The following CAMK1D variants were observed in gnomAD, a reference collection of about 807,000 sequenced individuals.
The protein encoded by CAMK1D is calcium/calmodulin-dependent protein kinase type 1D.
Under a neutral mutation model 47.7 loss-of-function variants are expected in CAMK1D, and 9 were observed. That is an observed-to-expected ratio of 0.19 (90% CI 0.11 to 0.33). The LOEUF (loss-of-function observed/expected upper bound fraction) is 0.33. Among genes scored for constraint, CAMK1D ranks in the 10% least tolerant of loss-of-function variants. CAMK1D has a pLI of 1.00. For missense variants in CAMK1D, 291 were observed against 488.7 expected (o/e 0.60, Z 3.81); for synonymous variants, 184 against 184.9 (o/e 0.99, Z 0.04).
chr10:12,475,989 A>G (rs986421595), intron 1 of CAMK1D, among the ~76,000 whole-genome samples: 4 of 151,998 alleles, frequency 2.6e-5, no homozygotes, highest in Admixed American at 2.0e-4. Flanking sequence ...AAATGGTGGT[A>G]CATGAGGAAG....
chr10:12,710,198 ACTT>A (rs952599830), intron 3 of CAMK1D, among the ~76,000 whole-genome samples: 6 of 152,208 alleles, frequency 3.9e-5, no homozygotes, highest in Non-Finnish European at 5.9e-5. Context: ...CAGACACTTA[ACTT>A]CTTCTTTAAT....
chr10:12,384,705 T>C (rs1207197398), intron 1 of CAMK1D, among the ~76,000 whole-genome samples: 1 of 152,132 alleles, frequency 6.6e-6, no homozygotes, highest in Non-Finnish European at 1.5e-5. Flanking sequence ...ATCAGTGACC[T>C]AATATAAGAA....
chr10:12,380,123 G>C (rs1357491888), intron 1 of CAMK1D, among the ~76,000 whole-genome samples: 3 of 152,100 alleles, frequency 2.0e-5, no homozygotes. Context: ...GCTGAGGCAA[G>C]AGAATGGTGT....
rs1207695738 is a variant in CAMK1D at position 12,829,325 on chromosome 10, T to C, written c.*438T>C. On this transcript the variant is annotated 3_prime_UTR_variant, in exon 11 of 11. Coordinates refer to ENST00000619168, the MANE Select transcript of CAMK1D (RefSeq NM_153498.4). ...TTTTCCTTTTAAGAAGTATGTCCTT[T>C]GTATCTCTAAGTTACATGACCTATA... 1 of 153,778 alleles carries C rather than the reference T, an allele frequency of 6.5e-6. No individual in the cohort carries two copies. Among genetic ancestry groups the C allele is most frequent in the Non-Finnish European group, 1.5e-5 (1 of 68,870 alleles). 9.5% of individuals were successfully genotyped at this position (153,778 alleles called of 1,614,324 possible).
Position 12,520,311 on chromosome 10 carries a change from G to A in CAMK1D, c.93-32914G>A, listed in dbSNP as rs949982366. Among the ~76,000 whole-genome samples, 307 of 90,088 alleles carry A rather than the reference G, an allele frequency of 3.4e-3. 27 individuals carry two copies. Among genetic ancestry groups the A allele is most frequent in the African/African-American group, 0.013 (300 of 23,674 alleles). The allele number at this position is 90,088 out of a possible 152,430, so 59.1% of individuals were successfully genotyped here. A position where few individuals can be genotyped will look rare whatever the true frequency, so the allele number is the denominator to read the frequency against. ...CTAGACAGGGCGGCGGGGCAGAGGC[G>A]CTCCCCACTCAGACGATGGGCGGGT... is the stretch of plus-strand genomic sequence containing the variant. On this transcript the variant is annotated intron_variant, in intron 1 of 10. Transcript: ENST00000619168.
chr10:12,390,769 G>T (rs535111593), intron 1 of CAMK1D, among the ~76,000 whole-genome samples: 52 of 152,248 alleles, frequency 3.4e-4, no homozygotes, highest in African/African-American at 1.2e-3. Context: ...AGGGTTGAGG[G>T]ACTTGCCTGA....
At chr10:12,621,358 G>A (rs1160514947) in intron 2 of CAMK1D, among the ~76,000 whole-genome samples, 2 of 152,188 alleles carry the variant, frequency 1.3e-5, no homozygotes, top group African/African-American at 4.8e-5. Context: ...TCAGCTTGGT[G>A]AGAATTGGCA....
intron 2 of CAMK1D, among the ~76,000 whole-genome samples, chr10:12,629,059 G>A (rs900564979): frequency 6.6e-6 from 1 of 152,232 alleles, no homozygotes; most frequent in Admixed American, 6.5e-5. Flanking sequence ...GAATAAAGCT[G>A]CTGTAAATGT....
chr10:12,448,708 C>A (rs1444270315), intron 1 of CAMK1D, among the ~76,000 whole-genome samples: 1 of 152,118 alleles, frequency 6.6e-6, no homozygotes, highest in African/African-American at 2.4e-5. Context: ...TTATTTTTCT[C>A]TTTTACTTTT....
intron 1 of CAMK1D, among the ~76,000 whole-genome samples, chr10:12,431,521 CT>C: frequency 6.6e-6 from 1 of 152,326 alleles, no homozygotes; most frequent in South Asian, 2.1e-4. Context: ...AATCCCCTCA[CT>C]TTCCCGAGGA....
chr10:12,762,728 T>G (rs1463787868), intron 4 of CAMK1D, among the ~76,000 whole-genome samples: 2 of 152,180 alleles, frequency 1.3e-5, no homozygotes, highest in Non-Finnish European at 2.9e-5. Context: ...GCAGGCTTCT[T>G]GACATCTGAA....
At chr10:12,428,905 C>T (rs894204483) in intron 1 of CAMK1D, among the ~76,000 whole-genome samples, 1 of 152,188 alleles carries the variant, frequency 6.6e-6, no homozygotes, top group African/African-American at 2.4e-5. Flanking sequence ...GCTGTCCATA[C>T]CCAGAAGAGG....
At chr10:12,733,084 C>T (rs754326396) in intron 3 of CAMK1D, among the ~76,000 whole-genome samples, 12 of 152,226 alleles carry the variant, frequency 7.9e-5, no homozygotes, top group East Asian at 1.9e-4. Context: ...AATCTTTGTG[C>T]GAGACCCTGT....
intron 2 of CAMK1D, among the ~76,000 whole-genome samples, chr10:12,629,087 G>C (rs957973743): frequency 2.6e-5 from 4 of 152,188 alleles, no homozygotes; most frequent in African/African-American, 9.7e-5. Context: ...TATTTGTTTG[G>C]TGGGGACAGA....
chr10:12,504,129 CTGTGTGTG>C (rs375226417), intron 1 of CAMK1D, among the ~76,000 whole-genome samples: 4 of 146,526 alleles, frequency 2.7e-5, no homozygotes, highest in African/African-American at 7.6e-5. Context: ...GTGTGTGTGT[CTGTGTGTG>C]TGTGTGTGTG....
chr10:12,685,229 A>G (rs1162741657), intron 3 of CAMK1D, among the ~76,000 whole-genome samples: 2 of 152,208 alleles, frequency 1.3e-5, no homozygotes. Context: ...TGAACCGGAG[A>G]GGCGGAGGTT....
In CAMK1D at chr10:12,514,227, T is replaced by C. The variant is rs1835121036; in HGVS notation, c.93-38998T>C. ...CTTCCACTATGAGGCAAGAGGGTGA[T>C]GGAACACGTTATAGATTGCTAGCAC... On this transcript the variant is annotated intron_variant, in intron 1 of 10. Transcript: ENST00000619168. Among the ~76,000 whole-genome samples, 3 of 152,342 alleles carry C rather than the reference T, an allele frequency of 2.0e-5. No individual in the cohort carries two copies. The South Asian group carries it at 6.2e-4, about 32-fold the overall frequency.
intron 3 of CAMK1D, among the ~76,000 whole-genome samples, chr10:12,674,101 A>G (rs1840716402): frequency 6.6e-6 from 1 of 152,004 alleles, no homozygotes; most frequent in Non-Finnish European, 1.5e-5. Context: ...ATGTGCCACC[A>G]TGCCTGGCTA....
At chr10:12,469,232 T>C (rs1475422575) in intron 1 of CAMK1D, among the ~76,000 whole-genome samples, 1 of 152,088 alleles carries the variant, frequency 6.6e-6, no homozygotes, top group Non-Finnish European at 1.5e-5. Flanking sequence ...TTGTTTCTAT[T>C]TAGGGAGAGA....
Sources: gnomAD v4.1 joint callset for allele counts (sites outside exome capture counted in the v4.1 genomes callset) on GRCh38, gnomAD v4.1.1 for gene constraint, MANE v1.5 for transcripts, NCBI Gene and HGNC (gene_info 2026-07-23, HGNC 2026-07-21) for gene names.